Variants in MARCHF1 observed in about 807,000 individuals in gnomAD.
MARCHF1 encodes E3 ubiquitin-protein ligase MARCHF1.
MARCHF1 carries 40 observed loss-of-function variants against 54.2 expected under a neutral mutation model. That is an observed-to-expected ratio of 0.74 (90% CI 0.57 to 0.96). MARCHF1 has a LOEUF of 0.96. Ranked by LOEUF, MARCHF1 falls within the 40% of genes least tolerant of loss-of-function variation. The pLI, the probability that MARCHF1 is intolerant of heterozygous loss-of-function variation, is 0.00. For missense variants in MARCHF1, 586 were observed against 656.5 expected (o/e 0.89, Z 1.17); for synonymous variants, 236 against 236.3 (o/e 1.00, Z 0.01).
At chr4:163,938,365 C>A (rs1207312407) in intron 3 of MARCHF1, among the ~76,000 whole-genome samples, 6 of 152,180 alleles carry the variant, frequency 3.9e-5, no homozygotes, top group Non-Finnish European at 8.8e-5. Flanking sequence ...AATCACTCAG[C>A]AATGAGGTGA....
At chr4:163,933,430 C>T (rs1751725164) in intron 3 of MARCHF1, among the ~76,000 whole-genome samples, 1 of 152,168 alleles carries the variant, frequency 6.6e-6, no homozygotes, top group South Asian at 2.1e-4. Context: ...TTGTCTTGGC[C>T]TTCCTAGTGT....
chr4:164,337,534 C>T (rs1246498947), intron 1 of MARCHF1, among the ~76,000 whole-genome samples: 1 of 152,156 alleles, frequency 6.6e-6, no homozygotes, highest in African/African-American at 2.4e-5. Context: ...GAGTAAATGG[C>T]TAAGAGAGTC....
chr4:164,341,954 A>C (rs768262650), intron 1 of MARCHF1, among the ~76,000 whole-genome samples: 1 of 152,252 alleles, frequency 6.6e-6, no homozygotes, highest in Non-Finnish European at 1.5e-5. Context: ...AAAGAAATTA[A>C]GGAAACAGTC....
At chr4:163,866,347 A>G (rs1750046877) in intron 3 of MARCHF1, among the ~76,000 whole-genome samples, 1 of 150,570 alleles carries the variant, frequency 6.6e-6, no homozygotes, top group Admixed American at 6.7e-5. Context: ...TTTTTAGGTA[A>G]AACAGTAATT....
chr4:163,742,091 TG>T (rs1197891032), intron 4 of MARCHF1, among the ~76,000 whole-genome samples: 1 of 152,116 alleles, frequency 6.6e-6, no homozygotes, highest in Non-Finnish European at 1.5e-5. Flanking sequence ...ATAGGCACAT[TG>T]GGGGGTGTGT....
At chr4:163,687,044 C>T (rs28408842) in intron 5 of MARCHF1, among the ~76,000 whole-genome samples, 70,881 of 151,866 alleles carry the variant, frequency 0.47, 17,004 homozygotes, top group Non-Finnish European at 0.51. Context: ...TCTAATTTTG[C>T]AGATGGGCAG....
chr4:164,232,410 A>G (rs1469466101), intron 1 of MARCHF1, among the ~76,000 whole-genome samples: 1 of 152,172 alleles, frequency 6.6e-6, no homozygotes, highest in South Asian at 2.1e-4. Context: ...CAAAGAGTAC[A>G]TGAAGTCAAA....
intron 5 of MARCHF1, among the ~76,000 whole-genome samples, chr4:163,615,762 T>C (rs868689638): frequency 6.6e-6 from 1 of 151,992 alleles, no homozygotes; most frequent in Non-Finnish European, 1.5e-5. Context: ...AGAGCCCAAA[T>C]AACCAAAGCA....
chr4:163,576,148 T>C (rs1472306970), intron 8 of MARCHF1, among the ~76,000 whole-genome samples: 2 of 152,010 alleles, frequency 1.3e-5, no homozygotes, highest in Non-Finnish European at 2.9e-5. Flanking sequence ...TAATTTGAGA[T>C]CTTCCTAATT....
At chr4:163,713,612 T>C (rs994511487) in intron 4 of MARCHF1, among the ~76,000 whole-genome samples, 1 of 152,232 alleles carries the variant, frequency 6.6e-6, no homozygotes, top group Non-Finnish European at 1.5e-5. Flanking sequence ...TATGCCATTA[T>C]ATTAAAGGCA....
chr4:163,974,302 A>T (rs1435508540), intron 3 of MARCHF1, among the ~76,000 whole-genome samples: 1 of 152,078 alleles, frequency 6.6e-6, no homozygotes, highest in East Asian at 1.9e-4. Flanking sequence ...TGAAGCACTC[A>T]CTCTTGAAAT....
At chr4:163,741,448 T>C (rs1746192893) in intron 4 of MARCHF1, among the ~76,000 whole-genome samples, 1 of 152,108 alleles carries the variant, frequency 6.6e-6, no homozygotes, top group Non-Finnish European at 1.5e-5. Context: ...CCGGGCGTGG[T>C]GGCACATGCC....
At chr4:164,097,628 T>TTA (rs1188062363) in intron 2 of MARCHF1, among the ~76,000 whole-genome samples, 4 of 152,176 alleles carry the variant, frequency 2.6e-5, no homozygotes, top group African/African-American at 9.7e-5. Flanking sequence ...AGTATATGTA[T>TTA]TAAAAATATT....
At chr4:164,017,231 C>T (rs993944105) in intron 2 of MARCHF1, among the ~76,000 whole-genome samples, 1 of 151,926 alleles carries the variant, frequency 6.6e-6, no homozygotes, top group African/African-American at 2.4e-5. Context: ...GATTAACAAA[C>T]AAACTGAGGG....
chr4:163,715,192 G>A (rs1745221163), intron 4 of MARCHF1, among the ~76,000 whole-genome samples: 1 of 152,140 alleles, frequency 6.6e-6, no homozygotes, highest in East Asian at 1.9e-4. Context: ...CAGCAGTATT[G>A]GATTAATCAG....
At chr4:164,205,694 C>T (rs910960751) in intron 1 of MARCHF1, among the ~76,000 whole-genome samples, 6 of 151,428 alleles carry the variant, frequency 4.0e-5, no homozygotes, top group Non-Finnish European at 8.8e-5. Context: ...TTTCTTTGCT[C>T]TTACTACCCA....
intron 1 of MARCHF1, among the ~76,000 whole-genome samples, chr4:164,120,496 T>A (rs980590903): frequency 6.6e-6 from 1 of 152,174 alleles, no homozygotes; most frequent in African/African-American, 2.4e-5. Flanking sequence ...CTAATAGATA[T>A]TTACAGAACA....
chr4:163,878,898 A>T (rs563851179), intron 3 of MARCHF1, among the ~76,000 whole-genome samples: 1 of 152,348 alleles, frequency 6.6e-6, no homozygotes, highest in South Asian at 2.1e-4. Flanking sequence ...TGAAATGTTC[A>T]GGACTAGGCC....
At chr4:164,332,916 T>A (rs1017270328) in intron 1 of MARCHF1, among the ~76,000 whole-genome samples, 8 of 152,120 alleles carry the variant, frequency 5.3e-5, no homozygotes, top group African/African-American at 1.7e-4. Flanking sequence ...AAGTATATAG[T>A]AAAGTATAAT....
Sources: gnomAD v4.1 joint callset for allele counts (sites outside exome capture counted in the v4.1 genomes callset) on GRCh38, gnomAD v4.1.1 for gene constraint, MANE v1.5 for transcripts, NCBI Gene and HGNC (gene_info 2026-07-23, HGNC 2026-07-21) for gene names.